The following RAB3B variants were observed in gnomAD, a reference collection of about 807,000 sequenced individuals.
RAB3B encodes ras-related protein Rab-3B.
Under a neutral mutation model 20.5 loss-of-function variants are expected in RAB3B, and 11 were observed. The ratio of observed to expected loss-of-function variants is 0.54; its 90% CI spans 0.34 to 0.89. The LOEUF is 0.89. Ranked by LOEUF, RAB3B falls within the 40% of genes least tolerant of loss-of-function variation. The probability of loss-of-function intolerance (pLI) is 0.02; values close to 1 mark genes in which losing one functional copy is unlikely to be tolerated. For synonymous variants in RAB3B, 99 were observed against 106.3 expected, an observed-to-expected ratio of 0.93 and a Z score of 0.42; for missense variants, 225 against 280.9, an observed-to-expected ratio of 0.80 and a Z score of 1.42.
chr1:51,944,153 C>T (rs1684532016), intron 2 of RAB3B, among the ~76,000 whole-genome samples: 1 of 152,144 alleles, frequency 6.6e-6, no homozygotes, highest in African/African-American at 2.4e-5. Context: ...TCTGAAAATC[C>T]AAGGGCCCCT....
chr1:51,920,055 G>A lies in RAB3B; in HGVS notation c.532C>T (p.Arg178Cys), dbSNP rs766237910. The change falls in exon 5 of 5, where the codon CGC (arginine) becomes TGC (cysteine). Residue 178 changes from arginine to cysteine, a missense_variant. Physicochemically the swap from Arg to Cys is radical, Grantham distance 180. Coordinates refer to ENST00000371655, the MANE Select transcript of RAB3B (RefSeq NM_002867.4). ...TTGTCACAAATGGCATCCACCAGGC[G>A]CTCAAAGGCCTGCCTTACACTGATG... ...ENISVRQAFE[R>C]LVDAICDKMS... 9.3e-6 allele frequency: 15 copies of A among 1,614,134 alleles called. No homozygotes were observed. Among genetic ancestry groups the A allele is most frequent in the Middle Eastern group, 1.7e-4 (1 of 6,060 alleles).
At position 51,965,430 on chromosome 1, in the gene RAB3B, C is replaced by T. The variant is rs188005036; in HGVS notation, c.228+11460G>A. Reference sequence around the variant, plus strand: ...TTAGGAGGCTGAGGTGGGTGGATCACGAGGTCAGGAGTTCGAGACCAGCCT... The same window carrying T: ...TTAGGAGGCTGAGGTGGGTGGATCATGAGGTCAGGAGTTCGAGACCAGCCT... On this transcript the variant is annotated intron_variant, in intron 2 of 4. Coordinates refer to ENST00000371655, the MANE Select transcript of RAB3B (RefSeq NM_002867.4). 9.3e-3 allele frequency among the ~76,000 whole-genome samples: 1,415 copies of T among 151,838 alleles called. 19 individuals are homozygous for T. The highest frequency in any genetic ancestry group is 0.033 in the African/African-American group (1,355 of 41,420).
intron 2 of RAB3B, among the ~76,000 whole-genome samples, chr1:51,942,770 A>G (rs1684511327): frequency 6.6e-6 from 1 of 152,154 alleles, no homozygotes; most frequent in African/African-American, 2.4e-5. Context: ...TGGTGACCCT[A>G]TCTCAAGCAG....
chr1:51,933,423 A>G lies in RAB3B; in HGVS notation c.367T>C (p.Tyr123His), dbSNP rs1684354412. 2 of 1,612,936 alleles carry G rather than the reference A, an allele frequency of 1.2e-6. No homozygotes were observed. The highest frequency in any genetic ancestry group is 2.2e-5 in the South Asian group (2 of 91,044). Reference protein sequence around the residue: ...VQDWATQIKTYSWDNAQVILV... With the variant: ...VQDWATQIKTHSWDNAQVILV... ...ATAACTTGTGCATTGTCCCAGGAGT[A>G]GGTCTTGATCTGAGTAGCCCTAAAA... is the stretch of plus-strand genomic sequence containing the variant. The change falls in exon 4 of 5, where the codon TAC (tyrosine) becomes CAC (histidine). Residue 123 changes from tyrosine to histidine, a missense_variant. Transcript: ENST00000371655.
chr1:51,978,339 C>T (rs898284579), intron 1 of RAB3B, among the ~76,000 whole-genome samples: 4 of 152,246 alleles, frequency 2.6e-5, no homozygotes, highest in African/African-American at 9.6e-5. Flanking sequence ...GCTCTTCTCA[C>T]AGGGCTATCA....
intron 1 of RAB3B, chr1:51,980,654 C>A: frequency 1.3e-6 from 1 of 757,534 alleles, no homozygotes; most frequent in South Asian, 1.3e-5. Context: ...ATCTTCGATG[C>A]CTATGTGCTT....
chr1:51,963,553 T>C (rs1684810712), intron 2 of RAB3B, among the ~76,000 whole-genome samples: 1 of 152,210 alleles, frequency 6.6e-6, no homozygotes, highest in South Asian at 2.1e-4. Flanking sequence ...TGATCACTAA[T>C]TTCAAATGAA....
rs1684128477 is a variant in RAB3B at position 51,919,023 on chromosome 1, C to CCGGACTG, written c.*897_*903dup. Reference sequence around the variant, plus strand: ...ACGGAGTCTCGCTCTGTCGCCCAGGCCGGACTGCGGACTGCAGTGGCGCAA... The same window carrying CCGGACTG: ...ACGGAGTCTCGCTCTGTCGCCCAGGCCGGACTGCGGACTGCGGACTGCAGTGGCGCAA... On this transcript the variant is annotated 3_prime_UTR_variant, in exon 5 of 5. Coordinates refer to ENST00000371655, the MANE Select transcript of RAB3B (RefSeq NM_002867.4). The CCGGACTG allele has an allele frequency of 1.3e-5, 2 of 148,958 alleles. No homozygotes were observed. The highest frequency in any genetic ancestry group is 3.0e-5 in the Non-Finnish European group (2 of 67,578). 9.2% of individuals were successfully genotyped at this position (148,958 alleles called of 1,614,324 possible).
chr1:51,966,399 A>G (rs1294099445), intron 2 of RAB3B, among the ~76,000 whole-genome samples: 2 of 152,140 alleles, frequency 1.3e-5, no homozygotes, highest in Non-Finnish European at 2.9e-5. Context: ...TAATATGTAC[A>G]TGACACATGT....
chr1:51,922,853 C>A (rs555904327), intron 4 of RAB3B, among the ~76,000 whole-genome samples: 1 of 152,090 alleles, frequency 6.6e-6, no homozygotes, highest in Non-Finnish European at 1.5e-5. Flanking sequence ...CCCACCACCA[C>A]ACCCGGCTAA....
intron 2 of RAB3B, among the ~76,000 whole-genome samples, chr1:51,952,062 C>T (rs1684648696): frequency 6.6e-6 from 1 of 152,144 alleles, no homozygotes; most frequent in African/African-American, 2.4e-5. Context: ...GTACTTGGAC[C>T]TTTATTTTAG....
intron 4 of RAB3B, among the ~76,000 whole-genome samples, chr1:51,932,378 G>A (rs1309940909): frequency 6.6e-6 from 1 of 152,080 alleles, no homozygotes; most frequent in Non-Finnish European, 1.5e-5. Flanking sequence ...TACAGGCATG[G>A]AACTCTTTTT....
In RAB3B at chr1:51,908,157, A is replaced by G. The variant is rs1411418812; in HGVS notation, c.*11770T>C. The stretch of plus-strand genomic sequence containing the variant: ...TATTTATACAAACTCACAACACATG[A>G]CATTTCATATTTCATATGCCACTGA... On this transcript the variant is annotated 3_prime_UTR_variant, in exon 5 of 5. Transcript: ENST00000371655. The G allele has an allele frequency of 6.6e-6, 1 of 152,136 alleles. No homozygotes were observed. Among genetic ancestry groups the G allele is most frequent in the Non-Finnish European group, 1.5e-5 (1 of 68,018 alleles). The allele number at this position is 152,136 out of a possible 1,614,324, so 9.4% of individuals were successfully genotyped here. A position where few individuals can be genotyped will look rare whatever the true frequency, so the allele number is the denominator to read the frequency against.
Position 51,930,503 on chromosome 1 carries a change from G to A in RAB3B, c.472+2815C>T, listed in dbSNP as rs551773829. Among the ~76,000 whole-genome samples the A allele has an allele frequency of 2.0e-5, 3 of 152,268 alleles. No homozygotes were observed. The East Asian group carries it at 5.8e-4, about 29-fold the overall frequency. On this transcript the variant is annotated intron_variant, in intron 4 of 4. Coordinates refer to ENST00000371655, the MANE Select transcript of RAB3B (RefSeq NM_002867.4). ...AAATACTGGTTCTACCCTCTTACTA[G>A]CTGTGTGACTTTGGCAAGTTACTCA...
At chr1:51,923,064 G>A (rs1684193683) in intron 4 of RAB3B, among the ~76,000 whole-genome samples, 1 of 152,192 alleles carries the variant, frequency 6.6e-6, no homozygotes, top group South Asian at 2.1e-4. Context: ...TACAGACACA[G>A]GGAGATCAAT....
intron 4 of RAB3B, among the ~76,000 whole-genome samples, chr1:51,922,816 C>A (rs1166694038): frequency 1.3e-5 from 2 of 152,120 alleles, no homozygotes; most frequent in Non-Finnish European, 2.9e-5. Flanking sequence ...CCTGCCTCAG[C>A]CTCCTGAGTA....
intron 3 of RAB3B, among the ~76,000 whole-genome samples, chr1:51,935,340 A>G (rs1684384701): frequency 6.6e-6 from 1 of 152,178 alleles, no homozygotes. Flanking sequence ...GTGGGCCCAC[A>G]GGAAACCAGG....
intron 4 of RAB3B, among the ~76,000 whole-genome samples, chr1:51,927,227 G>C (rs574871853): frequency 1.3e-5 from 2 of 152,284 alleles, no homozygotes; most frequent in South Asian, 2.1e-4. Context: ...TGTGGGGTCT[G>C]AGTCATGAAT....
chr1:51,954,660 C>A (rs78938278), intron 2 of RAB3B, among the ~76,000 whole-genome samples: 2,006 of 152,058 alleles, frequency 0.013, 42 homozygotes, highest in African/African-American at 0.047. Context: ...TGAAATTTTC[C>A]ATAATAAAAT....
Sources: gnomAD v4.1 joint callset for allele counts (sites outside exome capture counted in the v4.1 genomes callset) on GRCh38, gnomAD v4.1.1 for gene constraint, MANE v1.5 for transcripts, NCBI Gene and HGNC (gene_info 2026-07-23, HGNC 2026-07-21) for gene names.